The following SLC41A2 variants were observed in gnomAD, a reference collection of about 807,000 sequenced individuals.
The protein encoded by SLC41A2 is solute carrier family 41 member 2.
Under a neutral mutation model 58.3 loss-of-function variants are expected in SLC41A2, and 32 were observed. The ratio of observed to expected loss-of-function variants is 0.55; its 90% confidence interval spans 0.41 to 0.74. SLC41A2 has a LOEUF of 0.74. Among genes scored for constraint, SLC41A2 ranks in the 30% least tolerant of loss-of-function variants. The probability of loss-of-function intolerance (pLI) is 0.00; values close to 1 mark genes in which losing one functional copy is unlikely to be tolerated. For synonymous variants in SLC41A2, 190 were observed against 235.0 expected (o/e 0.81, Z 1.75); for missense variants, 514 against 680.6 (o/e 0.76, Z 2.72).
At chr12:104,899,968 G>C (rs1321958977) in intron 3 of SLC41A2, among the ~76,000 whole-genome samples, 1 of 151,990 alleles carries the variant, frequency 6.6e-6, no homozygotes, top group East Asian at 1.9e-4. Flanking sequence ...TTTAGTACTT[G>C]GTCACAGATT....
chr12:104,914,805 G>T (rs2046240288), intron 2 of SLC41A2, among the ~76,000 whole-genome samples: 1 of 152,238 alleles, frequency 6.6e-6, no homozygotes, highest in African/African-American at 2.4e-5. Context: ...TACCACCTCA[G>T]AAGATTCTGC....
chr12:104,802,746 C>T lies in SLC41A2; in HGVS notation c.*2406G>A, dbSNP rs982760824. On this transcript the variant is annotated 3_prime_UTR_variant, in exon 11 of 11. Coordinates refer to ENST00000258538, the MANE Select transcript of SLC41A2 (RefSeq NM_001352171.3). ...ATACTCACCATCAGGATATAATAAACGGAGGTTTCTTTGTCTGAAATCCAT... is the reference window on the plus strand; with the variant it reads ...ATACTCACCATCAGGATATAATAAATGGAGGTTTCTTTGTCTGAAATCCAT... 5.3e-5 allele frequency: 8 copies of T among 152,050 alleles called. No individual in the cohort carries two copies. In the South Asian group the frequency reaches 6.2e-4, roughly 12 times the overall value. The allele number at this position is 152,050 out of a possible 1,614,324, so 9.4% of individuals were successfully genotyped here.
At chr12:104,880,452 T>G (rs1295838602) in intron 6 of SLC41A2, among the ~76,000 whole-genome samples, 1 of 152,218 alleles carries the variant, frequency 6.6e-6, no homozygotes, top group African/African-American at 2.4e-5. Context: ...GGCTGTGGGT[T>G]TGTCATAAAT....
At chr12:104,819,353 T>C (rs1040060016) in intron 10 of SLC41A2, among the ~76,000 whole-genome samples, 2 of 152,184 alleles carry the variant, frequency 1.3e-5, no homozygotes, top group African/African-American at 4.8e-5. Flanking sequence ...ATCAAAATTG[T>C]AGAATGCTGG....
intron 3 of SLC41A2, among the ~76,000 whole-genome samples, chr12:104,899,966 T>C (rs188317958): frequency 6.6e-6 from 1 of 152,306 alleles, no homozygotes; most frequent in Admixed American, 6.5e-5. Flanking sequence ...ACTTTAGTAC[T>C]TGGTCACAGA....
chr12:104,899,961 A>G (rs754077076), intron 3 of SLC41A2, among the ~76,000 whole-genome samples: 1 of 152,082 alleles, frequency 6.6e-6, no homozygotes, highest in Non-Finnish European at 1.5e-5. Context: ...AATGCACTTT[A>G]GTACTTGGTC....
intron 1 of SLC41A2, among the ~76,000 whole-genome samples, chr12:104,948,540 T>C (rs754047459): frequency 6.6e-5 from 10 of 152,204 alleles, no homozygotes; most frequent in Non-Finnish European, 1.5e-4. Context: ...TGTTCATCCT[T>C]TACAGTTTAG....
chr12:104,815,608 T>G (rs1235176314), intron 10 of SLC41A2, among the ~76,000 whole-genome samples: 1 of 152,140 alleles, frequency 6.6e-6, no homozygotes, highest in East Asian at 1.9e-4. Flanking sequence ...AGATGATTTC[T>G]TTGGGAGAGG....
At chr12:104,940,293 T>C (rs906465670) in intron 1 of SLC41A2, among the ~76,000 whole-genome samples, 1 of 151,682 alleles carries the variant, frequency 6.6e-6, no homozygotes, top group Non-Finnish European at 1.5e-5. Flanking sequence ...ATTACAGAAG[T>C]GAGCCACCGA....
intron 7 of SLC41A2, among the ~76,000 whole-genome samples, chr12:104,863,828 C>T (rs1481197955): frequency 1.3e-5 from 2 of 152,156 alleles, no homozygotes; most frequent in Non-Finnish European, 1.5e-5. Context: ...ATTAGATATC[C>T]TCACGTACGC....
intron 2 of SLC41A2, 68 bp downstream of exon 2, chr12:104,927,905 T>G: frequency 7.1e-7 from 1 of 1,409,316 alleles, no homozygotes; most frequent in Non-Finnish European, 9.5e-7. Context: ...GTAACCTACA[T>G]AAAGCATTTT....
At chr12:104,935,297 T>C in intron 1 of SLC41A2, among the ~76,000 whole-genome samples, 1 of 152,038 alleles carries the variant, frequency 6.6e-6, no homozygotes, top group Non-Finnish European at 1.5e-5. Flanking sequence ...CACTGTATGT[T>C]GACCACAGTT....
rs78094147 is a variant in SLC41A2, at chr12:104,840,274, G to A, written c.1536+4198C>T. Reference sequence around the variant, plus strand: ...GAGTAAGTAGATGTGAAGGCTGGGAGAATCACTGCTTAGAGAGAAAGAACC... The same window carrying A: ...GAGTAAGTAGATGTGAAGGCTGGGAAAATCACTGCTTAGAGAGAAAGAACC... On this transcript the variant is annotated intron_variant, in intron 10 of 10. Transcript: ENST00000258538. 9.8e-5 allele frequency among the ~76,000 whole-genome samples: 15 copies of A among 152,354 alleles called. No individual in the cohort carries two copies. In the East Asian group the frequency reaches 2.7e-3, roughly 27 times the overall value.
intron 8 of SLC41A2, among the ~76,000 whole-genome samples, chr12:104,850,338 C>A (rs891959792): frequency 6.6e-6 from 1 of 152,128 alleles, no homozygotes; most frequent in Non-Finnish European, 1.5e-5. Flanking sequence ...TAAGAAAAAA[C>A]CCAGCCCTAG....
intron 6 of SLC41A2, among the ~76,000 whole-genome samples, chr12:104,875,604 C>T (rs2044004025): frequency 2.0e-5 from 3 of 152,134 alleles, no homozygotes; most frequent in Admixed American, 2.0e-4. Context: ...CCAGACTAGA[C>T]AACATAGTGA....
chr12:104,913,574 C>T (rs981296951), intron 2 of SLC41A2, among the ~76,000 whole-genome samples: 1 of 152,160 alleles, frequency 6.6e-6, no homozygotes, highest in African/African-American at 2.4e-5. Flanking sequence ...ACTCATGACT[C>T]CTCTTATAGC....
chr12:104,886,651 T>C (rs2044682359), intron 5 of SLC41A2, among the ~76,000 whole-genome samples: 1 of 152,028 alleles, frequency 6.6e-6, no homozygotes, highest in Non-Finnish European at 1.5e-5. Flanking sequence ...ATTTAAGAAG[T>C]TCAGCATTGT....
intron 1 of SLC41A2, among the ~76,000 whole-genome samples, chr12:104,937,240 A>G (rs1565916257): frequency 6.6e-6 from 1 of 152,264 alleles, no homozygotes; most frequent in Admixed American, 6.5e-5. Flanking sequence ...AGTAGTGCAC[A>G]GTAATGTCCT....
At chr12:104,843,697 CAG>C (rs931998306) in intron 10 of SLC41A2, among the ~76,000 whole-genome samples, 3 of 151,938 alleles carry the variant, frequency 2.0e-5, no homozygotes, top group African/African-American at 7.2e-5. Flanking sequence ...TAGAAGAAAA[CAG>C]ATATTTTAAA....
Sources: allele counts gnomAD v4.1 joint callset (sites outside exome capture counted in the v4.1 genomes callset), GRCh38; gene constraint gnomAD v4.1.1; transcripts MANE v1.5; gene names NCBI Gene and HGNC (gene_info 2026-07-23, HGNC 2026-07-21).